LEPR: variants seen among roughly 807,000 people sequenced by gnomAD.
LEPR encodes the protein leptin receptor.
In LEPR, 56 loss-of-function variants were observed where a neutral mutation model predicts 114.7. That is an observed-to-expected ratio of 0.49 (90% confidence interval 0.39 to 0.61). LEPR has a LOEUF of 0.61. Among genes scored for constraint, LEPR ranks in the 20% least tolerant of loss-of-function variants. The pLI, the probability that LEPR is intolerant of heterozygous loss-of-function variation, is 0.00. For synonymous variants in LEPR, 443 were observed against 461.4 expected, an observed-to-expected ratio of 0.96 and a Z score of 0.51; for missense variants, 1,202 against 1,352.9, an observed-to-expected ratio of 0.89 and a Z score of 1.75.
intron 5 of LEPR, among the ~76,000 whole-genome samples, chr1:65,574,206 TA>T (rs1654413392): frequency 1.3e-5 from 2 of 152,068 alleles, no homozygotes; most frequent in Non-Finnish European, 2.9e-5. Context: ...TAGAGATAAA[TA>T]AGAGCTAATG....
In LEPR at chr1:65,551,941, T is replaced by C. The variant is rs575901805; in HGVS notation, c.-20-13605T>C. On this transcript the variant is annotated intron_variant, in intron 2 of 19. Transcript: ENST00000349533. ...CACTGGTTTCAAAGAACATCTTTAT[T>C]TCTGCATTAATTTCATTATTTACCC... Among the ~76,000 whole-genome samples, 4 of 152,306 alleles carry C rather than the reference T, an allele frequency of 2.6e-5. No homozygotes were observed. The South Asian group carries it at 6.2e-4, about 24-fold the overall frequency.
At position 65,444,043 on chromosome 1, in the gene LEPR, G is replaced by C. The variant is rs1432141027; in HGVS notation, c.-21+18665G>C. Among the ~76,000 whole-genome samples the C allele has an allele frequency of 5.7e-5, 2 of 34,792 alleles. 1 individual carries two copies. 22.8% of individuals were successfully genotyped at this position (34,792 alleles called of 152,430 possible). A position where few individuals can be genotyped will look rare whatever the true frequency, so the allele number is the denominator to read the frequency against. On this transcript the variant is annotated intron_variant, in intron 2 of 19. Coordinates refer to ENST00000349533, the MANE Select transcript of LEPR (RefSeq NM_002303.6). ...ACATATGTATACATGTGCCATGCTGGTGCGCTGCACCCACTAATGTGTCAT... is the reference window on the plus strand; with the variant it reads ...ACATATGTATACATGTGCCATGCTGCTGCGCTGCACCCACTAATGTGTCAT...
intron 2 of LEPR, among the ~76,000 whole-genome samples, chr1:65,558,278 T>C (rs954213378): frequency 2.0e-5 from 3 of 152,116 alleles, no homozygotes; most frequent in Non-Finnish European, 2.9e-5. Flanking sequence ...TAAAGAACCA[T>C]TGTGATATCA....
At chr1:65,539,373 T>C (rs1277366464) in intron 2 of LEPR, among the ~76,000 whole-genome samples, 1 of 152,150 alleles carries the variant, frequency 6.6e-6, no homozygotes, top group African/African-American at 2.4e-5. Context: ...TGTGTCTCCA[T>C]TCAGCATGGC....
chr1:65,598,813 T>C lies in LEPR; in HGVS notation c.994+9T>C. Reference sequence around the variant, plus strand: ...TGTCTTTACCACACAAGGTAGGTTATGTAATAGCCACTTCTACTGGGAGGG... The same window carrying C: ...TGTCTTTACCACACAAGGTAGGTTACGTAATAGCCACTTCTACTGGGAGGG... On this transcript the variant is annotated intron_variant, in intron 8 of 19. Transcript: ENST00000349533. The C allele has an allele frequency of 1.9e-6, 3 of 1,612,996 alleles. No homozygotes were observed. In the East Asian group the frequency reaches 6.7e-5, roughly 36 times the overall value.
Position 65,447,730 on chromosome 1 carries a change from G to A in LEPR, c.-21+22352G>A, listed in dbSNP as rs553983097. ...TTGTATTTTTGTTTTGCAGATATGG[G>A]TTTTTGCCATGTTGCCCAGACTGGT... On this transcript the variant is annotated intron_variant, in intron 2 of 19. Coordinates refer to ENST00000349533, the MANE Select transcript of LEPR (RefSeq NM_002303.6). 9.5e-4 allele frequency among the ~76,000 whole-genome samples: 145 copies of A among 151,892 alleles called. 1 individual carries two copies. The highest frequency in any genetic ancestry group is 3.4e-3 in the African/African-American group (139 of 41,418).
chr1:65,431,136 G>A (rs1345605983), intron 2 of LEPR, among the ~76,000 whole-genome samples: 6 of 152,198 alleles, frequency 3.9e-5, no homozygotes, highest in African/African-American at 1.4e-4. Context: ...AATACAACAA[G>A]ATTGTCATGA....
intron 2 of LEPR, among the ~76,000 whole-genome samples, chr1:65,462,589 T>C (rs1646959644): frequency 6.6e-6 from 1 of 152,230 alleles, no homozygotes; most frequent in Non-Finnish European, 1.5e-5. Context: ...TCTTCCACAA[T>C]GGTTGAACTA....
intron 2 of LEPR, among the ~76,000 whole-genome samples, chr1:65,553,750 G>A (rs1448716728): frequency 1.3e-5 from 2 of 151,974 alleles, no homozygotes; most frequent in African/African-American, 4.8e-5. Context: ...TCCCTTCCTG[G>A]TGAGGAGTTG....
chr1:65,570,521 C>A lies in LEPR; in HGVS notation c.89C>A (p.Pro30His). ...TAFNLSYPIT[P>H]WRFKLSCMPP... is the part of the protein sequence containing the mutation. ...TTTAACTTGTCATATCCAATTACTC[C>A]TTGGAGATTTAAGTTGTCTTGCATG... Residue 30 changes from proline to histidine, a missense_variant, in exon 4 of 20, where the codon CCT (proline) becomes CAT (histidine). Transcript: ENST00000349533. 6.2e-7 allele frequency: 1 copy of A among 1,613,858 alleles called. No individual in the cohort carries two copies. Among genetic ancestry groups the A allele is most frequent in the Non-Finnish European group, 8.5e-7 (1 of 1,179,922 alleles).
At chr1:65,482,304 T>C (rs1647267127) in intron 2 of LEPR, among the ~76,000 whole-genome samples, 1 of 152,176 alleles carries the variant, frequency 6.6e-6, no homozygotes, top group African/African-American at 2.4e-5. Context: ...GAACAATATA[T>C]TCAATGGGAT....
intron 2 of LEPR, among the ~76,000 whole-genome samples, chr1:65,465,795 C>CT (rs1371804037): frequency 6.6e-6 from 1 of 152,098 alleles, no homozygotes; most frequent in Admixed American, 6.6e-5. Context: ...TTCTTTGCCT[C>CT]TTTTGTTCTT....
intron 2 of LEPR, among the ~76,000 whole-genome samples, chr1:65,516,909 C>T (rs1649315351): frequency 6.6e-6 from 1 of 152,152 alleles, no homozygotes; most frequent in South Asian, 2.1e-4. Context: ...CACCCTTTTC[C>T]CTTCCAAAGG....
At chr1:65,430,210 C>T (rs1325710202) in intron 2 of LEPR, 2 of 508,498 alleles carry the variant, frequency 3.9e-6, no homozygotes, top group Non-Finnish European at 6.6e-6. Context: ...AACAGTAGTT[C>T]GGCCATGCCT....
rs1354127620 is a variant in LEPR at position 65,591,497 on chromosome 1, A to G, written c.495-1160A>G. Among the ~76,000 whole-genome samples, 19 of 151,950 alleles carry G rather than the reference A, an allele frequency of 1.3e-4. 1 individual carries two copies. Among genetic ancestry groups the G allele is most frequent in the Admixed American group, 1.2e-3 (19 of 15,240 alleles). ...CAATCTTTTGCTTCATGTATTTTGA[A>G]ACTCTGTTATTGGGTTCATAAATGT... On this transcript the variant is annotated intron_variant, in intron 5 of 19. Transcript: ENST00000349533.
chr1:65,627,342 AG>A (rs1314387296), intron 19 of LEPR, among the ~76,000 whole-genome samples: 3 of 152,256 alleles, frequency 2.0e-5, no homozygotes, highest in African/African-American at 7.2e-5. Context: ...TCTCCAAAGA[AG>A]ATACACAAAT....
chr1:65,587,815 G>C (rs1383600404), intron 5 of LEPR, among the ~76,000 whole-genome samples: 2 of 151,872 alleles, frequency 1.3e-5, no homozygotes, highest in Non-Finnish European at 2.9e-5. Context: ...CATATTAGTG[G>C]GGTATGCAGA....
intron 14 of LEPR, among the ~76,000 whole-genome samples, chr1:65,613,426 G>A (rs952209611): frequency 6.6e-6 from 1 of 152,032 alleles, no homozygotes; most frequent in African/African-American, 2.4e-5. Context: ...ATCTGATAAA[G>A]GACTTATAAC....
At chr1:65,602,041 C>T in intron 10 of LEPR, 81 bp downstream of exon 10, 2 of 1,177,966 alleles carry the variant, frequency 1.7e-6, no homozygotes, top group Non-Finnish European at 2.6e-6. Flanking sequence ...CAACAGTAGT[C>T]TTACAGATTA....
Sources: gnomAD v4.1 joint callset for allele counts (sites outside exome capture counted in the v4.1 genomes callset) on GRCh38, gnomAD v4.1.1 for gene constraint, MANE v1.5 for transcripts, NCBI Gene and HGNC (gene_info 2026-07-23, HGNC 2026-07-21) for gene names.